Variants in LNPEP observed in about 807,000 individuals in gnomAD.
The protein encoded by LNPEP is leucyl-cystinyl aminopeptidase.
LNPEP carries 64 observed loss-of-function variants against 120.6 expected under a neutral mutation model. The observed-to-expected ratio is 0.53, with a 90% CI of 0.43 to 0.65. LNPEP has a LOEUF of 0.65. Among genes scored for constraint, LNPEP ranks in the 30% least tolerant of loss-of-function variants. The probability of loss-of-function intolerance (pLI) is 0.00; values close to 1 mark genes in which losing one functional copy is unlikely to be tolerated. For missense variants in LNPEP, 1,057 were observed against 1,200.0 expected, an observed-to-expected ratio of 0.88 and a Z score of 1.76; for synonymous variants, 435 against 425.4, an observed-to-expected ratio of 1.02 and a Z score of -0.28.
At chr5:97,010,573 G>C in intron 11 of LNPEP, 1 of 984,734 alleles carries the variant, frequency 1.0e-6, no homozygotes, top group Non-Finnish European at 1.2e-6. Context: ...TAGTAAAAAC[G>C]GGTTTTTTAG....
At chr5:96,996,120 A>G in intron 6 of LNPEP, 1 of 256,256 alleles carries the variant, frequency 3.9e-6, no homozygotes, top group Non-Finnish European at 7.2e-6. Context: ...TGTTTGTTAC[A>G]TTGATAAATA....
At chr5:97,010,049 T>G (rs1013653961) in intron 11 of LNPEP, among the ~76,000 whole-genome samples, 1 of 152,322 alleles carries the variant, frequency 6.6e-6, no homozygotes, top group Admixed American at 6.5e-5. Flanking sequence ...TTATGTTTGG[T>G]CAATGTATTT....
At chr5:97,023,136 A>G (rs1263427514) in intron 14 of LNPEP, among the ~76,000 whole-genome samples, 6 of 152,238 alleles carry the variant, frequency 3.9e-5, no homozygotes, top group East Asian at 3.9e-4. Flanking sequence ...ACTACACTGT[A>G]TATCTCATAT....
At chr5:96,983,426 C>G (rs531514876) in intron 2 of LNPEP, among the ~76,000 whole-genome samples, 19 of 152,176 alleles carry the variant, frequency 1.2e-4, no homozygotes, top group Admixed American at 1.2e-3. Flanking sequence ...TGCTTTTCCA[C>G]CAACCTGTAA....
At chr5:96,976,465 G>A (rs1789998530) in intron 1 of LNPEP, among the ~76,000 whole-genome samples, 1 of 152,100 alleles carries the variant, frequency 6.6e-6, no homozygotes, top group African/African-American at 2.4e-5. Flanking sequence ...TTGTCAAACT[G>A]TAGAATATCT....
intron 3 of LNPEP, among the ~76,000 whole-genome samples, chr5:96,986,204 A>T (rs1790239793): frequency 6.6e-6 from 1 of 152,178 alleles, no homozygotes; most frequent in Non-Finnish European, 1.5e-5. Flanking sequence ...GAGTGGAGCA[A>T]TCCCAGGTCA....
intron 13 of LNPEP, among the ~76,000 whole-genome samples, chr5:97,018,633 C>T (rs1791119400): frequency 5.3e-5 from 8 of 152,096 alleles, no homozygotes; most frequent in Admixed American, 5.2e-4. Context: ...ATTCTGGTAG[C>T]ATCAATACTC....
At chr5:96,940,616 G>A (rs898903822) in intron 1 of LNPEP, among the ~76,000 whole-genome samples, 15 of 152,188 alleles carry the variant, frequency 9.9e-5, no homozygotes, top group Admixed American at 9.8e-4. Context: ...TAAATGTACA[G>A]AAACTGTTCA....
rs747693396 is a variant in LNPEP, at chr5:96,985,172, A to G, written c.953A>G (p.Lys318Arg). ...EPAFKATFII[K>R]IIRDEQYTAL... is the part of the protein sequence containing the mutation. Reference sequence around the variant, plus strand: ...GCATTTAAAGCCACTTTTATCATCAAGATCATAAGGGATGAGCAATACACC... The same window carrying G: ...GCATTTAAAGCCACTTTTATCATCAGGATCATAAGGGATGAGCAATACACC... Residue 318 changes from lysine (K) to arginine (R), a missense_variant, in exon 3 of 18, where the codon AAG becomes AGG. Transcript: ENST00000231368. 2 of 1,613,906 alleles carry G rather than the reference A, an allele frequency of 1.2e-6. No individual in the cohort carries two copies. Among genetic ancestry groups the G allele is most frequent in the Admixed American group, 1.7e-5 (1 of 59,996 alleles).
At chr5:96,970,330 G>T (rs1789831080) in intron 1 of LNPEP, among the ~76,000 whole-genome samples, 1 of 151,990 alleles carries the variant, frequency 6.6e-6, no homozygotes, top group African/African-American at 2.4e-5. Context: ...TTGAAACACT[G>T]TTATTAGGTA....
At chr5:96,973,029 A>G (rs1297532527) in intron 1 of LNPEP, among the ~76,000 whole-genome samples, 2 of 152,286 alleles carry the variant, frequency 1.3e-5, no homozygotes, top group Non-Finnish European at 1.5e-5. Context: ...GGGACTTTAC[A>G]TGTTCATATT....
intron 4 of LNPEP, among the ~76,000 whole-genome samples, chr5:96,987,593 TCAGAGATAAGGA>T (rs578003139): frequency 5.8e-4 from 89 of 152,330 alleles, no homozygotes; most frequent in African/African-American, 1.9e-3. Context: ...CCCATACCTT[TCAGAGATAAGGA>T]CAGAGATAAG....
chr5:97,034,973 A>T lies in LNPEP; in HGVS notation c.*6440A>T, dbSNP rs183706765. ...ACACACATATTTATATACTATACAC[A>T]CACATTTTAATGTATATAAATATTT... On this transcript the variant is annotated 3_prime_UTR_variant, in exon 18 of 18. Coordinates refer to ENST00000231368, the MANE Select transcript of LNPEP (RefSeq NM_005575.3). The T allele has an allele frequency of 1.6e-4, 25 of 152,172 alleles. 1 individual carries two copies. Among genetic ancestry groups the T allele is most frequent in the Admixed American group, 1.5e-3 (23 of 15,270 alleles). 9.4% of individuals were successfully genotyped at this position (152,172 alleles called of 1,614,324 possible).
At chr5:97,023,049 C>A (rs1439098185) in intron 14 of LNPEP, among the ~76,000 whole-genome samples, 1 of 151,642 alleles carries the variant, frequency 6.6e-6, no homozygotes, top group East Asian at 1.9e-4. Context: ...AACTCTGTAC[C>A]CATTGAATAA....
intron 1 of LNPEP, chr5:96,936,966 A>G (rs1788912990): frequency 6.6e-6 from 1 of 152,256 alleles, no homozygotes; most frequent in Non-Finnish European, 1.5e-5. Context: ...CCCTAGTTAG[A>G]ACCATGGCTT....
chr5:97,028,328 AT>A, intron 17 of LNPEP, 73 bp from the exon 18 acceptor site: 1 of 1,396,504 alleles, frequency 7.2e-7, no homozygotes, highest in Non-Finnish European at 1.0e-6. Flanking sequence ...GTTAAAGCTT[AT>A]TTTAAAAGCT....
Position 97,035,590 on chromosome 5 carries a change from T to G in LNPEP, c.*7057T>G, listed in dbSNP as rs1791559231. ...CTTAGCAGTAGCTAGTGTAGTTATT[T>G]TGTGGTTATTTTATTTCATTCTCTA... On this transcript the variant is annotated 3_prime_UTR_variant, in exon 18 of 18. Coordinates refer to ENST00000231368, the MANE Select transcript of LNPEP (RefSeq NM_005575.3). The G allele has an allele frequency of 6.6e-6, 1 of 152,192 alleles. No homozygotes were observed. The highest frequency in any genetic ancestry group is 2.1e-4 in the South Asian group (1 of 4,838). 9.4% of individuals were successfully genotyped at this position (152,192 alleles called of 1,614,324 possible).
chr5:96,940,807 A>G (rs1159596982), intron 1 of LNPEP, among the ~76,000 whole-genome samples: 1 of 152,202 alleles, frequency 6.6e-6, no homozygotes, highest in Non-Finnish European at 1.5e-5. Flanking sequence ...AGGTCAGTGC[A>G]GCTATGTTTT....
intron 1 of LNPEP, among the ~76,000 whole-genome samples, chr5:96,945,620 A>G (rs1789170301): frequency 1.3e-5 from 2 of 152,132 alleles, no homozygotes; most frequent in Non-Finnish European, 2.9e-5. Flanking sequence ...GTGTTTCGTC[A>G]GTCTTAAGAT....
Sources: allele counts gnomAD v4.1 joint callset (sites outside exome capture counted in the v4.1 genomes callset), GRCh38; gene constraint gnomAD v4.1.1; transcripts MANE v1.5; gene names NCBI Gene and HGNC (gene_info 2026-07-23, HGNC 2026-07-21).